The following MTA3 variants were observed in gnomAD, a reference collection of about 807,000 sequenced individuals.
MTA3 encodes the protein metastasis associated 1 family member 3.
A neutral mutation model predicts 83.5 loss-of-function variants in MTA3; 34 were observed. That is an observed-to-expected ratio of 0.41 (90% confidence interval 0.31 to 0.54). MTA3 has a LOEUF of 0.54. Among genes scored for constraint, MTA3 ranks in the 20% least tolerant of loss-of-function variants. The probability of loss-of-function intolerance (pLI) is 0.33; values close to 1 mark genes in which losing one functional copy is unlikely to be tolerated. For missense variants in MTA3, 761 were observed against 726.4 expected (o/e 1.05, Z -0.55); for synonymous variants, 303 against 252.7 (o/e 1.20, Z -1.89).
intron 7 of MTA3, among the ~76,000 whole-genome samples, chr2:42,657,161 T>C (rs77098582): frequency 0.021 from 3,214 of 152,346 alleles, 108 homozygotes; most frequent in African/African-American, 0.071. Context: ...AAAATATTAC[T>C]ATGAGTTAGA....
intron 8 of MTA3, among the ~76,000 whole-genome samples, chr2:42,664,413 C>G (rs946848806): frequency 6.8e-6 from 1 of 147,796 alleles, no homozygotes; most frequent in African/African-American, 2.5e-5. Flanking sequence ...TTTGGGGAGT[C>G]ACATTCTTTT....
chr2:42,667,654 A>T (rs963368850), intron 8 of MTA3, among the ~76,000 whole-genome samples: 1 of 128,958 alleles, frequency 7.8e-6, no homozygotes, highest in South Asian at 2.6e-4. Context: ...AGAGAGAGAG[A>T]GAGTCAGTCT....
At chr2:42,502,527 G>T (rs973805043) in intron 2 of MTA3, among the ~76,000 whole-genome samples, 1 of 151,988 alleles carries the variant, frequency 6.6e-6, no homozygotes, top group Non-Finnish European at 1.5e-5. Context: ...AGCCGGGTGC[G>T]GCGGCTCATG....
intron 7 of MTA3, among the ~76,000 whole-genome samples, chr2:42,656,967 C>G (rs2104361840): frequency 6.6e-6 from 1 of 152,076 alleles, no homozygotes; most frequent in Middle Eastern, 3.4e-3. Flanking sequence ...AGGGTATATA[C>G]CATGTGATCA....
rs777426507 is a variant in MTA3, at chr2:42,656,309, A to G, written c.602+7A>G. On this transcript the variant is annotated splice_region_variant and intron_variant, in intron 7 of 16. Transcript: ENST00000405094. ...AGTTTTTAGTTGTAGCACGGTGAGT[A>G]TGAGTATGGCATTATTGAGTCAATA... The G allele has an allele frequency of 6.3e-7, 1 of 1,585,998 alleles. No homozygotes were observed. Among genetic ancestry groups the G allele is most frequent in the Non-Finnish European group, 8.7e-7 (1 of 1,154,710 alleles).
At position 42,755,377 on chromosome 2, in the gene MTA3, A is replaced by G. The variant is rs940073512; in HGVS notation, c.*1978A>G. 30 of 985,226 alleles carry G rather than the reference A, an allele frequency of 3.0e-5. No homozygotes were observed. The highest frequency in any genetic ancestry group is 3.5e-5 in the African/African-American group (2 of 57,328). 61.0% of individuals were successfully genotyped at this position (985,226 alleles called of 1,614,324 possible). ...GGAGAGGCCCTCTCACCCAGGCCCA[A>G]GAGATTTGGAGACAGGAGTCAGGCC... is the stretch of plus-strand genomic sequence containing the variant. On this transcript the variant is annotated 3_prime_UTR_variant, in exon 17 of 17. Coordinates refer to ENST00000405094, the MANE Select transcript of MTA3 (RefSeq NM_001330442.2).
intron 2 of MTA3, among the ~76,000 whole-genome samples, chr2:42,529,992 C>T (rs1369382679): frequency 6.6e-6 from 1 of 151,488 alleles, no homozygotes; most frequent in African/African-American, 2.4e-5. Context: ...TCGAGACCAG[C>T]CTGGCCAACA....
chr2:42,514,135 C>T (rs187438345), intron 2 of MTA3, among the ~76,000 whole-genome samples: 3 of 152,166 alleles, frequency 2.0e-5, no homozygotes, highest in African/African-American at 7.2e-5. Context: ...ATCACTTGAA[C>T]CTGGGAGGCA....
chr2:42,658,071 C>CAAAAAAAAAAAAA (rs59628946), intron 7 of MTA3, among the ~76,000 whole-genome samples: 3 of 51,932 alleles, frequency 5.8e-5, no homozygotes, highest in African/African-American at 2.4e-4. Context: ...GACTCTGTCT[C>CAAAAAAAAAAAAA]AAAAAAAAAA....
At chr2:42,604,386 A>G (rs1157494055) in intron 3 of MTA3, among the ~76,000 whole-genome samples, 1 of 152,196 alleles carries the variant, frequency 6.6e-6, no homozygotes, top group Non-Finnish European at 1.5e-5. Context: ...ACTTTGTGTT[A>G]AATCTTGAAA....
intron 6 of MTA3, among the ~76,000 whole-genome samples, chr2:42,654,443 A>G (rs1332258081): frequency 6.6e-6 from 1 of 152,238 alleles, no homozygotes; most frequent in Non-Finnish European, 1.5e-5. Flanking sequence ...CCCTATCATT[A>G]AAGAGCTTTT....
intron 2 of MTA3, among the ~76,000 whole-genome samples, chr2:42,533,856 TAAAG>T (rs1306506127): frequency 4.2e-5 from 6 of 143,772 alleles, no homozygotes; most frequent in East Asian, 2.0e-4. Context: ...AAAAGGAAAA[TAAAG>T]AAACGAAAGA....
At chr2:42,574,997 A>T (rs1402222190) in intron 2 of MTA3, among the ~76,000 whole-genome samples, 1 of 152,374 alleles carries the variant, frequency 6.6e-6, no homozygotes, top group African/African-American at 2.4e-5. Flanking sequence ...GGCAACTCTA[A>T]ACTATTTACC....
intron 2 of MTA3, among the ~76,000 whole-genome samples, chr2:42,577,293 G>A (rs1368799302): frequency 6.6e-6 from 1 of 151,490 alleles, no homozygotes; most frequent in East Asian, 1.9e-4. Context: ...AGGGGAAGAG[G>A]AATATGGTAG....
At chr2:42,716,724 G>A (rs183785843) in intron 14 of MTA3, among the ~76,000 whole-genome samples, 25 of 152,208 alleles carry the variant, frequency 1.6e-4, no homozygotes, top group Admixed American at 1.5e-3. Context: ...TCTTTATTCA[G>A]TCTATCATTG....
chr2:42,611,702 G>C (rs983507412), intron 4 of MTA3, among the ~76,000 whole-genome samples: 19 of 152,086 alleles, frequency 1.2e-4, no homozygotes, highest in African/African-American at 4.6e-4. Flanking sequence ...TGTGGTCCCA[G>C]CTAATTGGGG....
chr2:42,728,331 A>G (rs1275049262), intron 16 of MTA3, among the ~76,000 whole-genome samples: 2 of 152,150 alleles, frequency 1.3e-5, no homozygotes, highest in Non-Finnish European at 2.9e-5. Flanking sequence ...TTCTTTATCA[A>G]CTTGTCTGTT....
chr2:42,597,375 CTTTTTT>C lies in MTA3; in HGVS notation c.191-12068_191-12063del, dbSNP rs35943826. 7.6e-3 allele frequency among the ~76,000 whole-genome samples: 822 copies of C among 108,450 alleles called. 4 individuals are homozygous for C. Among genetic ancestry groups the C allele is most frequent in the African/African-American group, 0.029 (793 of 27,346 alleles). 71.1% of individuals were successfully genotyped at this position (108,450 alleles called of 152,430 possible). ...CCACTGCACCTGGCCGACAAGTTAT[CTTTTTT>C]TTTTTTTTTTTTTTCTGTTTTTGAG... On this transcript the variant is annotated intron_variant, in intron 3 of 16. Coordinates refer to ENST00000405094, the MANE Select transcript of MTA3 (RefSeq NM_001330442.2).
intron 2 of MTA3, among the ~76,000 whole-genome samples, chr2:42,553,108 C>T (rs1677196196): frequency 6.6e-6 from 1 of 151,784 alleles, no homozygotes; most frequent in Non-Finnish European, 1.5e-5. Context: ...GAGACCCTGT[C>T]TCTACAAAAA....
Sources: gnomAD v4.1 joint callset for allele counts (sites outside exome capture counted in the v4.1 genomes callset) on GRCh38, gnomAD v4.1.1 for gene constraint, MANE v1.5 for transcripts, NCBI Gene and HGNC (gene_info 2026-07-23, HGNC 2026-07-21) for gene names.